Variants in SEMA3A observed in about 807,000 individuals in gnomAD.
The protein encoded by SEMA3A is semaphorin-3A.
Under a neutral mutation model 97.9 loss-of-function variants are expected in SEMA3A, and 29 were observed. The ratio of observed to expected loss-of-function variants is 0.30; its 90% CI spans 0.22 to 0.40. The LOEUF (loss-of-function observed/expected upper bound fraction) is 0.40, where lower values mean the gene tolerates loss of function less well. Among genes scored for constraint, SEMA3A ranks in the 10% least tolerant of loss-of-function variants. The pLI is 1.00. For synonymous variants in SEMA3A, 321 were observed against 323.7 expected (o/e 0.99, Z 0.09); for missense variants, 763 against 951.3 (o/e 0.80, Z 2.60).
intron 1 of SEMA3A, among the ~76,000 whole-genome samples, chr7:84,482,137 TCTC>T (rs60922184): frequency 0.44 from 66,399 of 151,416 alleles, 15,860 homozygotes; most frequent in East Asian, 0.62. Context: ...ATTTCAAACT[TCTC>T]ATCGTATAAG....
chr7:84,227,429 G>C (rs1446176608), intron 3 of SEMA3A, among the ~76,000 whole-genome samples: 2 of 151,750 alleles, frequency 1.3e-5, no homozygotes, highest in Admixed American at 1.3e-4. Flanking sequence ...CTTTAAATAA[G>C]TGTGTCTCGT....
chr7:84,202,695 T>C (rs1177933931), intron 3 of SEMA3A, among the ~76,000 whole-genome samples: 1 of 152,208 alleles, frequency 6.6e-6, no homozygotes, highest in African/African-American at 2.4e-5. Context: ...TTGCATTGTT[T>C]CCTTTATATT....
At chr7:84,209,300 G>T (rs41456548) in intron 3 of SEMA3A, among the ~76,000 whole-genome samples, 1 of 152,108 alleles carries the variant, frequency 6.6e-6, no homozygotes, top group Non-Finnish European at 1.5e-5. Flanking sequence ...CATGTAGTAG[G>T]CTGTGTATGT....
At chr7:84,083,283 T>C (rs1046568550) in intron 4 of SEMA3A, among the ~76,000 whole-genome samples, 4 of 151,968 alleles carry the variant, frequency 2.6e-5, no homozygotes, top group Admixed American at 2.0e-4. Flanking sequence ...TTTGAAACCA[T>C]ATTTCTTTTT....
chr7:84,120,915 C>A (rs796503396), intron 3 of SEMA3A, among the ~76,000 whole-genome samples: 4 of 152,200 alleles, frequency 2.6e-5, no homozygotes, highest in African/African-American at 9.6e-5. Flanking sequence ...ATTTCTTGTG[C>A]TATTTCCACT....
intron 1 of SEMA3A, among the ~76,000 whole-genome samples, chr7:84,454,680 C>T (rs910972362): frequency 2.6e-5 from 4 of 151,914 alleles, no homozygotes; most frequent in African/African-American, 9.7e-5. Flanking sequence ...GATAGAAAAA[C>T]ACCCAAAATG....
intron 1 of SEMA3A, among the ~76,000 whole-genome samples, chr7:84,448,814 T>C (rs891915022): frequency 1.5e-4 from 22 of 151,008 alleles, no homozygotes; most frequent in Non-Finnish European, 2.8e-4. Flanking sequence ...AACATGTGCA[T>C]GAAAGCACAA....
At chr7:84,304,001 A>T (rs962135975) in intron 3 of SEMA3A, among the ~76,000 whole-genome samples, 6 of 152,194 alleles carry the variant, frequency 3.9e-5, no homozygotes, top group African/African-American at 1.4e-4. Context: ...GTTTTAACTC[A>T]ATTCACTGGC....
chr7:84,379,219 G>A (rs955437903), intron 1 of SEMA3A, among the ~76,000 whole-genome samples: 3 of 152,034 alleles, frequency 2.0e-5, no homozygotes, highest in African/African-American at 7.3e-5. Flanking sequence ...GAGCCACCGT[G>A]CCCAGCCGTG....
intron 12 of SEMA3A, among the ~76,000 whole-genome samples, chr7:84,000,068 T>C (rs1790378669): frequency 6.6e-6 from 1 of 152,092 alleles, no homozygotes; most frequent in Admixed American, 6.6e-5. Flanking sequence ...AAAGACATTT[T>C]AGGTTTTGGC....
At chr7:84,157,257 A>T (rs1796872518) in intron 1 of SEMA3A, among the ~76,000 whole-genome samples, 1 of 152,182 alleles carries the variant, frequency 6.6e-6, no homozygotes, top group Non-Finnish European at 1.5e-5. Context: ...GTGTGTTTAC[A>T]TGCAACAATG....
At position 83,981,440 on chromosome 7, in the gene SEMA3A, C is replaced by G. The variant is rs529494220; in HGVS notation, c.1533G>C (p.Gln511His). The G allele has an allele frequency of 6.2e-7, 1 of 1,613,106 alleles. No individual in the cohort carries two copies. The highest frequency in any genetic ancestry group is 2.2e-5 in the East Asian group (1 of 44,830). The change falls in exon 14 of 17, where the codon CAG becomes CAC. Residue 511 changes from glutamine (Q) to histidine (H), a missense_variant. Gln to His is a conservative substitution (Grantham distance 24). Around this residue, in one of 2 missense-constraint regions of SEMA3A, gnomAD observed 678 missense variants for 881.3 expected, o/e 0.77. Coordinates refer to ENST00000265362, the MANE Select transcript of SEMA3A (RefSeq NM_006080.3). The stretch of plus-strand genomic sequence containing the variant: ...AAATATCACACCGGTGTAAAGGGAG[C>G]TGGGCAACCCCAGCCGTTGAACCAA... ...LYIGSTAGVA[Q>H]LPLHRCDIYG...
At position 84,471,134 on chromosome 7, in the gene SEMA3A, A is replaced by T. The variant is rs543703279; in HGVS notation, c.-246+21326T>A. 2.0e-5 allele frequency among the ~76,000 whole-genome samples: 3 copies of T among 152,206 alleles called. No individual in the cohort carries two copies. In the East Asian group the frequency reaches 5.8e-4, roughly 29 times the overall value. On this transcript the variant is annotated intron_variant, in intron 1 of 3. Coordinates refer to the SEMA3A transcript ENST00000424555. ...GACTGCTTTTTGAAGCCTATTAAACACAGACTAAGTCATTTCCCCCCATCT... is the reference window on the plus strand; with the variant it reads ...GACTGCTTTTTGAAGCCTATTAAACTCAGACTAAGTCATTTCCCCCCATCT...
At chr7:84,111,740 A>C (rs1795281243) in intron 3 of SEMA3A, among the ~76,000 whole-genome samples, 1 of 152,092 alleles carries the variant, frequency 6.6e-6, no homozygotes, top group South Asian at 2.1e-4. Flanking sequence ...AATTTCTTCC[A>C]CTGTTTTGCT....
intron 12 of SEMA3A, among the ~76,000 whole-genome samples, chr7:83,992,702 G>A (rs1188508748): frequency 6.6e-6 from 1 of 151,770 alleles, no homozygotes; most frequent in South Asian, 2.1e-4. Context: ...TATAATTTCT[G>A]TTCTTTTACA....
intron 5 of SEMA3A, among the ~76,000 whole-genome samples, chr7:84,047,306 G>A (rs527900885): frequency 1.3e-5 from 2 of 152,130 alleles, no homozygotes; most frequent in East Asian, 1.9e-4. Flanking sequence ...AATATTTACT[G>A]AATTTCACTC....
At chr7:84,110,672 G>T in intron 3 of SEMA3A, 83 bp from the exon 4 acceptor site, 2 of 1,427,066 alleles carry the variant, frequency 1.4e-6, no homozygotes, top group African/African-American at 1.5e-5. Context: ...TGCTGGAACA[G>T]ATTTGTCTTT....
intron 3 of SEMA3A, among the ~76,000 whole-genome samples, chr7:84,285,053 A>AT (rs1199113126): frequency 1.3e-5 from 2 of 151,696 alleles, no homozygotes; most frequent in South Asian, 2.1e-4. Context: ...GTACTCTTTT[A>AT]TTTTTTTTGA....
chr7:84,062,678 G>C (rs567459529), intron 4 of SEMA3A, among the ~76,000 whole-genome samples: 1 of 152,164 alleles, frequency 6.6e-6, no homozygotes, highest in African/African-American at 2.4e-5. Context: ...TGGAAAATCC[G>C]GTCACTCCCA....
Sources: allele counts gnomAD v4.1 joint callset (sites outside exome capture counted in the v4.1 genomes callset), GRCh38; gene constraint gnomAD v4.1.1; regional missense constraint gnomAD v4.1.1; transcripts MANE v1.5; gene names NCBI Gene and HGNC (gene_info 2026-07-23, HGNC 2026-07-21).